RAB11A: variants seen among roughly 807,000 people sequenced by gnomAD.
The protein encoded by RAB11A is RAB11A, member RAS oncogene family, also known as ras-related protein Rab-11A.
A neutral mutation model predicts 28.0 loss-of-function variants in RAB11A; 9 were observed. The ratio of observed to expected loss-of-function variants is 0.32; its 90% CI spans 0.19 to 0.56. The LOEUF (loss-of-function observed/expected upper bound fraction) is 0.56, where lower values mean the gene tolerates loss of function less well. RAB11A is among the 20% of genes least tolerant of loss of function. The pLI, the probability that RAB11A is intolerant of heterozygous loss-of-function variation, is 0.91. For missense variants in RAB11A, 108 were observed against 269.6 expected (o/e 0.40, Z 4.20); for synonymous variants, 85 against 88.2 (o/e 0.96, Z 0.20).
intron 1 of RAB11A, among the ~76,000 whole-genome samples, chr15:65,871,560 G>A (rs1378006989): frequency 2.0e-5 from 3 of 152,112 alleles, no homozygotes; most frequent in African/African-American, 7.2e-5. Flanking sequence ...TCTCCTGTTT[G>A]GTTTGAACTT....
Position 65,890,948 on chromosome 15 carries a change from G to A in RAB11A, c.*3108G>A, listed in dbSNP as rs574393585. On this transcript the variant is annotated 3_prime_UTR_variant, in exon 5 of 5. Transcript: ENST00000261890. ...AAAATTAAAACAAAAAATGAATTTT[G>A]TAAAAGGTTATGTATGACTTCCATT... 3.9e-5 allele frequency: 6 copies of A among 152,218 alleles called. No homozygotes were observed. Among genetic ancestry groups the A allele is most frequent in the Admixed American group, 2.6e-4 (4 of 15,286 alleles). 9.4% of individuals were successfully genotyped at this position (152,218 alleles called of 1,614,324 possible). A position where few individuals can be genotyped will look rare whatever the true frequency, so the allele number is the denominator to read the frequency against.
intron 1 of RAB11A, among the ~76,000 whole-genome samples, chr15:65,872,964 G>C (rs923695374): frequency 1.3e-5 from 2 of 152,184 alleles, no homozygotes; most frequent in African/African-American, 4.8e-5. Flanking sequence ...CAATAGTTGA[G>C]GGAATTGGAG....
chr15:65,872,262 T>G (rs2078166685), intron 1 of RAB11A, among the ~76,000 whole-genome samples: 1 of 150,658 alleles, frequency 6.6e-6, no homozygotes, highest in Admixed American at 6.6e-5. Context: ...CCTTTGTCAG[T>G]TTTTTGAACC....
At position 65,877,085 on chromosome 15, in the gene RAB11A, C is replaced by T. The variant is rs1283593040; in HGVS notation, c.41-247C>T. 6.6e-6 allele frequency among the ~76,000 whole-genome samples: 1 copy of T among 152,186 alleles called. No individual in the cohort carries two copies. The highest frequency in any genetic ancestry group is 1.5e-5 in the Non-Finnish European group (1 of 68,032). On this transcript the variant is annotated intron_variant, in intron 1 of 4. Coordinates refer to ENST00000261890, the MANE Select transcript of RAB11A (RefSeq NM_004663.5). The surrounding 1 kb of genome is among the most constrained non-coding windows in gnomAD (Gnocchi z 4.1). ...TTTAAGACAGGGTACCGTATCTGTG[C>T]TAAGCAGATGATATGTGGAAGTCAT... is the stretch of plus-strand genomic sequence containing the variant.
chr15:65,874,398 C>T (rs1400483349), intron 1 of RAB11A, among the ~76,000 whole-genome samples: 1 of 151,976 alleles, frequency 6.6e-6, no homozygotes, highest in Non-Finnish European at 1.5e-5. Context: ...TGCGCCACCA[C>T]ACCTGGCTAA....
intron 1 of RAB11A, among the ~76,000 whole-genome samples, chr15:65,876,514 C>T (rs972707877): frequency 4.6e-5 from 7 of 152,134 alleles, no homozygotes; most frequent in Non-Finnish European, 7.4e-5. Flanking sequence ...CCAGGCTAGT[C>T]TCGAACTCTT....
At position 65,877,748 on chromosome 15, in the gene RAB11A, G is replaced by C; in HGVS notation, c.237-14G>C. The C allele has an allele frequency of 6.4e-7, 1 of 1,561,000 alleles. No individual in the cohort carries two copies. The highest frequency in any genetic ancestry group is 1.7e-4 in the Middle Eastern group (1 of 5,876). ...CTTGTGGTTTTCTGATACTAAATAT[G>C]TTTCTGTTTTCAGATATTATCGTGG... On this transcript the variant is annotated splice_polypyrimidine_tract_variant and intron_variant, in intron 2 of 4. Coordinates refer to ENST00000261890, the MANE Select transcript of RAB11A (RefSeq NM_004663.5). The surrounding 1 kb of genome is among the most constrained non-coding windows in gnomAD (Gnocchi z 4.1).
chr15:65,872,745 TTTTTAAAG>T (rs2078170687), intron 1 of RAB11A, among the ~76,000 whole-genome samples: 1 of 152,224 alleles, frequency 6.6e-6, no homozygotes, highest in African/African-American at 2.4e-5. Context: ...GATTTCTACT[TTTTTAAAG>T]CTCTTACAGG....
intron 1 of RAB11A, among the ~76,000 whole-genome samples, chr15:65,874,195 A>T (rs1206414222): frequency 6.6e-6 from 1 of 151,522 alleles, no homozygotes; most frequent in Non-Finnish European, 1.5e-5. Context: ...ATTTGCGATG[A>T]TACTCAAATA....
chr15:65,879,619 C>G, intron 3 of RAB11A, 52 bp from the exon 4 acceptor site: 1 of 1,398,506 alleles, frequency 7.2e-7, no homozygotes, highest in Non-Finnish European at 1.0e-6. Flanking sequence ...TGAGTATATC[C>G]TATTCCTTGT....
intron 1 of RAB11A, 124 bp downstream of exon 1, chr15:65,869,749 C>G: frequency 9.5e-7 from 1 of 1,050,500 alleles, no homozygotes; most frequent in Non-Finnish European, 1.3e-6. Context: ...CCTTTTTGTG[C>G]GGTTCCGTCT....
At position 65,877,666 on chromosome 15, in the gene RAB11A, G is replaced by A. The variant is rs2078198036; in HGVS notation, c.237-96G>A. ...GGAATCCTTAGAAATTTATTTATAAGTATGTTTTTAAAACTCATGATCCAT... is the reference window on the plus strand; with the variant it reads ...GGAATCCTTAGAAATTTATTTATAAATATGTTTTTAAAACTCATGATCCAT... On this transcript the variant is annotated intron_variant, in intron 2 of 4. Transcript: ENST00000261890. This position sits in a 1 kb window ranked among gnomAD's most constrained non-coding sequence, Gnocchi z 4.1. The A allele has an allele frequency of 7.5e-7, 1 of 1,340,934 alleles. No homozygotes were observed. Among genetic ancestry groups the A allele is most frequent in the African/African-American group, 1.5e-5 (1 of 67,010 alleles). The allele number at this position is 1,340,934 out of a possible 1,614,324, so 83.1% of individuals were successfully genotyped here.
intron 3 of RAB11A, 106 bp downstream of exon 3, chr15:65,878,061 A>G: frequency 2.7e-6 from 3 of 1,129,964 alleles, no homozygotes. Context: ...GTAAACATGA[A>G]TGCTTAGCAA....
intron 1 of RAB11A, among the ~76,000 whole-genome samples, chr15:65,875,718 C>T (rs1055007543): frequency 6.6e-6 from 1 of 152,188 alleles, no homozygotes; most frequent in Admixed American, 6.5e-5. Flanking sequence ...CAAGACTGTC[C>T]AGAGGCTAGC....
At chr15:65,874,928 G>A (rs1469022929) in intron 1 of RAB11A, among the ~76,000 whole-genome samples, 3 of 152,146 alleles carry the variant, frequency 2.0e-5, no homozygotes, top group Non-Finnish European at 4.4e-5. Context: ...TGTGCCTGTA[G>A]TTCCAGCTAC....
intron 1 of RAB11A, chr15:65,869,885 G>A (rs2078147753): frequency 5.7e-6 from 2 of 352,470 alleles, no homozygotes; most frequent in South Asian, 2.2e-4. Flanking sequence ...TTCCCCTGGC[G>A]GACTGCCTTC....
intron 4 of RAB11A, among the ~76,000 whole-genome samples, chr15:65,881,761 G>A (rs1264993889): frequency 4.0e-5 from 6 of 151,782 alleles, no homozygotes; most frequent in Non-Finnish European, 5.9e-5. Context: ...TGAGGCAGGC[G>A]GATCGCTTGA....
chr15:65,884,806 C>T (rs1466905450), intron 4 of RAB11A, among the ~76,000 whole-genome samples: 1 of 148,196 alleles, frequency 6.7e-6, no homozygotes, highest in Non-Finnish European at 1.5e-5. Flanking sequence ...AAGTAGGAAG[C>T]AGGTAACTTC....
chr15:65,878,787 A>G (rs1323536341), intron 3 of RAB11A, among the ~76,000 whole-genome samples: 3 of 152,232 alleles, frequency 2.0e-5, no homozygotes, highest in Non-Finnish European at 4.4e-5. Context: ...CCATGCAAGA[A>G]TAGCTTTATT....
Sources: gnomAD v4.1 joint callset for allele counts (sites outside exome capture counted in the v4.1 genomes callset) on GRCh38, gnomAD v4.1.1 for gene constraint, Gnocchi (gnomAD v3.1) non-coding constraint, MANE v1.5 for transcripts, NCBI Gene and HGNC (gene_info 2026-07-23, HGNC 2026-07-21) for gene names.